The following CPEB1 variants were observed in gnomAD, a reference collection of about 807,000 sequenced individuals.
CPEB1 encodes the protein cytoplasmic polyadenylation element binding protein 1, also known as cytoplasmic polyadenylation element-binding protein 1.
A neutral mutation model predicts 65.8 loss-of-function variants in CPEB1; 7 were observed. The ratio of observed to expected loss-of-function variants is 0.11; its 90% confidence interval spans 0.06 to 0.20. The LOEUF (loss-of-function observed/expected upper bound fraction) is 0.20, where lower values mean the gene tolerates loss of function less well. CPEB1 is among the 10% of genes least tolerant of loss of function. CPEB1 has a pLI of 1.00. For missense variants in CPEB1, 551 were observed against 712.2 expected (o/e 0.77, Z 2.58); for synonymous variants, 262 against 260.0 (o/e 1.01, Z -0.08).
At chr15:82,588,103 GTTT>G (rs199590880) in intron 3 of CPEB1, among the ~76,000 whole-genome samples, 2,676 of 130,444 alleles carry the variant, frequency 0.021, 27 homozygotes, top group Non-Finnish European at 0.028. Flanking sequence ...TTTTTTGTTT[GTTT>G]TTTGTTTTTG....
intron 1 of CPEB1, among the ~76,000 whole-genome samples, chr15:82,633,871 T>C (rs1488999516): frequency 6.6e-6 from 1 of 152,106 alleles, no homozygotes; most frequent in Admixed American, 6.5e-5. Flanking sequence ...GTGGGAATCA[T>C]TGTTTTGAAA....
At chr15:82,627,983 C>A (rs2045915810) in intron 2 of CPEB1, among the ~76,000 whole-genome samples, 1 of 152,054 alleles carries the variant, frequency 6.6e-6, no homozygotes, top group African/African-American at 2.4e-5. Context: ...GGTATACATG[C>A]CCCCAAATAC....
At chr15:82,645,823 G>C (rs1352520233) in intron 1 of CPEB1, among the ~76,000 whole-genome samples, 6 of 152,010 alleles carry the variant, frequency 3.9e-5, no homozygotes, top group Non-Finnish European at 1.5e-5. Context: ...AGCCAAGATC[G>C]CGAGACTGCA....
chr15:82,636,853 C>T (rs1321240665), intron 1 of CPEB1, among the ~76,000 whole-genome samples: 1 of 152,170 alleles, frequency 6.6e-6, no homozygotes, highest in Non-Finnish European at 1.5e-5. Context: ...TGACTCCTTT[C>T]TTAAGATTTT....
At chr15:82,646,489 C>T (rs587654239) in intron 1 of CPEB1, among the ~76,000 whole-genome samples, 3 of 152,228 alleles carry the variant, frequency 2.0e-5, no homozygotes, top group East Asian at 3.9e-4. Context: ...TCCTCCCAGG[C>T]GGGCCTGGCG....
chr15:82,553,072 T>G (rs548721767), intron 8 of CPEB1, among the ~76,000 whole-genome samples: 1 of 152,344 alleles, frequency 6.6e-6, no homozygotes, highest in Admixed American at 6.5e-5. Context: ...TGCTTGGTCC[T>G]CATTCCTGCC....
chr15:82,625,732 G>A (rs1331268311), intron 3 of CPEB1, among the ~76,000 whole-genome samples: 1 of 152,222 alleles, frequency 6.6e-6, no homozygotes, highest in Non-Finnish European at 1.5e-5. Flanking sequence ...AGGGTTGACT[G>A]TAATTATCAG....
chr15:82,560,768 C>T (rs1313498598), intron 4 of CPEB1, among the ~76,000 whole-genome samples: 1 of 152,110 alleles, frequency 6.6e-6, no homozygotes, highest in Non-Finnish European at 1.5e-5. Context: ...GCAAAGAAGG[C>T]TGACCAGGGA....
chr15:82,565,838 C>A (rs562004419), intron 4 of CPEB1, among the ~76,000 whole-genome samples: 5 of 152,210 alleles, frequency 3.3e-5, no homozygotes, highest in Non-Finnish European at 5.9e-5. Flanking sequence ...AAATTCCTAT[C>A]TTCTAAAAAT....
At chr15:82,547,313 T>C (rs1441548669) in intron 10 of CPEB1, 76 bp from the exon 11 acceptor site, 9 of 792,182 alleles carry the variant, frequency 1.1e-5, no homozygotes, top group Non-Finnish European at 1.8e-5. Flanking sequence ...TTTTTTTTTT[T>C]TGAGATGGAG....
chr15:82,646,278 G>A (rs929265571), intron 1 of CPEB1, among the ~76,000 whole-genome samples: 6 of 152,196 alleles, frequency 3.9e-5, no homozygotes, highest in African/African-American at 1.4e-4. Context: ...CGGTGCACCT[G>A]TGCCTTCCAG....
chr15:82,603,341 A>G (rs2043282198), intron 3 of CPEB1, among the ~76,000 whole-genome samples: 1 of 148,910 alleles, frequency 6.7e-6, no homozygotes, highest in Non-Finnish European at 1.5e-5. Context: ...GCCATTTCCC[A>G]TTTCCCAGGG....
intron 4 of CPEB1, 42 bp downstream of exon 4, chr15:82,571,302 A>G: frequency 1.9e-6 from 3 of 1,583,536 alleles, no homozygotes; most frequent in Non-Finnish European, 2.6e-6. Context: ...CACCACCCCC[A>G]TGCATCCCCT....
chr15:82,571,740 A>C (rs1029976649), intron 3 of CPEB1: 4 of 1,389,292 alleles, frequency 2.9e-6, no homozygotes, highest in South Asian at 3.4e-5. Flanking sequence ...TCACACACAC[A>C]CCCCTATCCC....
Position 82,627,242 on chromosome 15 carries a change from A to G in CPEB1, c.222T>C (p.Ser74=). The part of the protein sequence containing the change: ...NAILDNSLDF[S]RVCTTPINRG... ...GGTTTATAGGTGTAGTGCAGACTCT[A>G]CTGAAATCCAGAGAATTATCCAATA... Residue 74 remains serine, a synonymous_variant, in exon 3 of 13, where the codon AGT becomes AGC. Transcript: ENST00000684509. 6.2e-7 allele frequency: 1 copy of G among 1,613,846 alleles called. No individual in the cohort carries two copies. The highest frequency in any genetic ancestry group is 1.6e-4 in the Middle Eastern group (1 of 6,062).
At chr15:82,633,035 A>G (rs768421615) in intron 1 of CPEB1, 7 of 152,200 alleles carry the variant, frequency 4.6e-5, no homozygotes, top group Non-Finnish European at 1.0e-4. Flanking sequence ...ATTGCCTGAC[A>G]GTTCCTGCCC....
At chr15:82,619,251 GA>G (rs2045064999) in intron 3 of CPEB1, among the ~76,000 whole-genome samples, 1 of 152,126 alleles carries the variant, frequency 6.6e-6, no homozygotes, top group African/African-American at 2.4e-5. Flanking sequence ...TATCCACACA[GA>G]ACAAAATTAA....
chr15:82,630,158 A>G, intron 1 of CPEB1: 1 of 967,148 alleles, frequency 1.0e-6, no homozygotes, highest in Non-Finnish European at 1.2e-6. Context: ...CTGAACTTGA[A>G]ACTCCTGGGC....
At chr15:82,645,231 C>T (rs965694638) in intron 1 of CPEB1, among the ~76,000 whole-genome samples, 3 of 152,302 alleles carry the variant, frequency 2.0e-5, no homozygotes, top group Non-Finnish European at 2.9e-5. Flanking sequence ...CGGCTCACTG[C>T]AACTTCCACT....
Sources: gnomAD v4.1 joint callset for allele counts (sites outside exome capture counted in the v4.1 genomes callset) on GRCh38, gnomAD v4.1.1 for gene constraint, MANE v1.5 for transcripts, NCBI Gene and HGNC (gene_info 2026-07-23, HGNC 2026-07-21) for gene names.